Variants in EPHA3 observed in about 807,000 individuals in gnomAD.
The protein encoded by EPHA3 is ephrin type-A receptor 3.
Under a neutral mutation model 107.1 loss-of-function variants are expected in EPHA3, and 42 were observed. That is an observed-to-expected ratio of 0.39 (90% confidence interval 0.31 to 0.51). The LOEUF (loss-of-function observed/expected upper bound fraction) is 0.51. Ranked by LOEUF, EPHA3 falls within the 20% of genes least tolerant of loss-of-function variation. EPHA3 has a pLI of 0.78. For missense variants in EPHA3, 1,183 were observed against 1,211.2 expected, an observed-to-expected ratio of 0.98 and a Z score of 0.35; for synonymous variants, 461 against 424.8, an observed-to-expected ratio of 1.09 and a Z score of -1.05.
At chr3:89,208,466 G>GAAAGAAAGAAAGAAAGAAAGAA (rs1559600905) in intron 2 of EPHA3, among the ~76,000 whole-genome samples, 2 of 128,034 alleles carry the variant, frequency 1.6e-5, no homozygotes, top group African/African-American at 6.2e-5. Context: ...AAGAAAGAAA[G>GAAAGAAAGAAAGAAAGAAAGAA]AAAGAAAGAA....
chr3:89,468,060 G>C (rs903913283), intron 15 of EPHA3, among the ~76,000 whole-genome samples: 1 of 152,112 alleles, frequency 6.6e-6, no homozygotes, highest in Non-Finnish European at 1.5e-5. Context: ...AGATTCCCTT[G>C]GTGCGCATGA....
chr3:89,188,482 C>T (rs75409290), intron 2 of EPHA3, among the ~76,000 whole-genome samples: 4,909 of 152,186 alleles, frequency 0.032, 259 homozygotes, highest in African/African-American at 0.11. Context: ...CTAGATTCTC[C>T]CAAAAATTCT....
intron 3 of EPHA3, among the ~76,000 whole-genome samples, chr3:89,219,688 G>GTTTTTTTTTTTGTTTTTTTTTTTTT (rs1704308493): frequency 2.9e-5 from 1 of 34,440 alleles, no homozygotes; most frequent in African/African-American, 1.2e-4. Context: ...ATTTGGCAAT[G>GTTTTTTTTTTTGTTTTTTTTTTTTT]TTTTTTTTTT....
intron 3 of EPHA3, among the ~76,000 whole-genome samples, chr3:89,232,549 C>A (rs1704663334): frequency 6.6e-6 from 1 of 152,044 alleles, no homozygotes; most frequent in South Asian, 2.1e-4. Flanking sequence ...ATAACCATAC[C>A]TTCTTTTGGA....
intron 2 of EPHA3, among the ~76,000 whole-genome samples, chr3:89,168,449 A>G (rs1320718802): frequency 6.6e-6 from 1 of 152,152 alleles, no homozygotes; most frequent in East Asian, 1.9e-4. Flanking sequence ...GGCTGTGATT[A>G]AAAACAAACC....
At chr3:89,328,351 A>T (rs997497887) in intron 3 of EPHA3, among the ~76,000 whole-genome samples, 1 of 152,252 alleles carries the variant, frequency 6.6e-6, no homozygotes. Context: ...GGTTTGCATA[A>T]ATTAAGCATT....
At chr3:89,111,049 T>C (rs1707093956) in intron 1 of EPHA3, among the ~76,000 whole-genome samples, 1 of 152,000 alleles carries the variant, frequency 6.6e-6, no homozygotes, top group African/African-American at 2.4e-5. Flanking sequence ...TGAATAAAAT[T>C]AAATATTCAT....
At chr3:89,202,762 A>G (rs112669470) in intron 2 of EPHA3, among the ~76,000 whole-genome samples, 2,377 of 152,170 alleles carry the variant, frequency 0.016, 54 homozygotes, top group African/African-American at 0.052. Context: ...CATGTCTAAA[A>G]TCAATTGTCT....
At chr3:89,114,763 A>G (rs1360672290) in intron 1 of EPHA3, among the ~76,000 whole-genome samples, 2 of 152,214 alleles carry the variant, frequency 1.3e-5, no homozygotes, top group Admixed American at 6.5e-5. Context: ...CGCGAGAGGC[A>G]AACGTGCGCC....
chr3:89,277,090 T>A (rs1295742932), intron 3 of EPHA3, among the ~76,000 whole-genome samples: 2 of 152,152 alleles, frequency 1.3e-5, no homozygotes, highest in African/African-American at 4.8e-5. Context: ...AGACATGGTA[T>A]CTTCGTGTGT....
intron 2 of EPHA3, among the ~76,000 whole-genome samples, chr3:89,136,007 G>A (rs1294352005): frequency 6.6e-6 from 1 of 152,052 alleles, no homozygotes; most frequent in African/African-American, 2.4e-5. Context: ...GGGAAGTTTG[G>A]GTTCTAAAAA....
At chr3:89,251,238 A>G (rs2107263419) in intron 3 of EPHA3, among the ~76,000 whole-genome samples, 1 of 152,274 alleles carries the variant, frequency 6.6e-6, no homozygotes, top group Non-Finnish European at 1.5e-5. Context: ...CAAACTAGAA[A>G]AACAAGATAA....
chr3:89,212,210 A>G (rs1704118617), intron 3 of EPHA3, among the ~76,000 whole-genome samples: 1 of 152,006 alleles, frequency 6.6e-6, no homozygotes, highest in Non-Finnish European at 1.5e-5. Flanking sequence ...CTCATATTTG[A>G]TGAAAGAGAA....
chr3:89,447,509 A>G (rs1217814705), intron 13 of EPHA3, among the ~76,000 whole-genome samples: 2 of 152,126 alleles, frequency 1.3e-5, no homozygotes, highest in Non-Finnish European at 2.9e-5. Flanking sequence ...GTTAGTTCCA[A>G]TCTTATCACT....
At chr3:89,283,467 C>T (rs1288836734) in intron 3 of EPHA3, among the ~76,000 whole-genome samples, 2 of 152,036 alleles carry the variant, frequency 1.3e-5, no homozygotes, top group Non-Finnish European at 2.9e-5. Context: ...ATTTTTACTT[C>T]GTAGAAAACT....
intron 3 of EPHA3, among the ~76,000 whole-genome samples, chr3:89,305,966 T>C (rs537113898): frequency 6.6e-6 from 1 of 152,292 alleles, no homozygotes; most frequent in African/African-American, 2.4e-5. Context: ...GGACTACATA[T>C]TATGTGCAAT....
intron 3 of EPHA3, among the ~76,000 whole-genome samples, chr3:89,281,222 A>G (rs1421793359): frequency 1.4e-4 from 21 of 152,144 alleles, no homozygotes; most frequent in Non-Finnish European, 2.9e-4. Flanking sequence ...GACGGGTTTC[A>G]CTGTGTTGCC....
chr3:89,440,518 C>A (rs1259727940), intron 13 of EPHA3, among the ~76,000 whole-genome samples: 1 of 152,184 alleles, frequency 6.6e-6, no homozygotes, highest in Non-Finnish European at 1.5e-5. Flanking sequence ...GAAATCAGAA[C>A]TTGAAGCCCC....
At chr3:89,112,705 TTAA>T (rs1169748109) in intron 1 of EPHA3, among the ~76,000 whole-genome samples, 1 of 152,006 alleles carries the variant, frequency 6.6e-6, no homozygotes, top group East Asian at 1.9e-4. Context: ...CAGGAAAATA[TTAA>T]TAAAACTTTC....
Sources: gnomAD v4.1 joint callset for allele counts (sites outside exome capture counted in the v4.1 genomes callset) on GRCh38, gnomAD v4.1.1 for gene constraint, MANE v1.5 for transcripts, NCBI Gene and HGNC (gene_info 2026-07-23, HGNC 2026-07-21) for gene names.